PCDHA4: variants seen among roughly 807,000 people sequenced by gnomAD.
PCDHA4 encodes protocadherin alpha-4.
A neutral mutation model predicts 61.4 loss-of-function variants in PCDHA4; 49 were observed. The ratio of observed to expected loss-of-function variants is 0.80; its 90% CI spans 0.63 to 1.01. The LOEUF (loss-of-function observed/expected upper bound fraction) is 1.01, where lower values mean the gene tolerates loss of function less well. Ranked by LOEUF, PCDHA4 falls within the 50% of genes least tolerant of loss-of-function variation. PCDHA4 has a pLI of 0.00. For missense variants in PCDHA4, 1,254 were observed against 1,235.8 expected (o/e 1.01, Z -0.22); for synonymous variants, 590 against 550.3 (o/e 1.07, Z -1.01).
intron 1 of PCDHA4, chr5:140,851,727 T>C (rs1216544821): frequency 1.0e-6 from 1 of 969,522 alleles, no homozygotes; most frequent in Non-Finnish European, 1.2e-6. Flanking sequence ...AACTTCGAGT[T>C]CTTTTGAAAT....
intron 1 of PCDHA4, among the ~76,000 whole-genome samples, chr5:140,900,291 T>C (rs1397328670): frequency 6.6e-6 from 1 of 151,992 alleles, no homozygotes; most frequent in East Asian, 2.0e-4. Flanking sequence ...TTCTTTTCTG[T>C]TTTTTTAGAC....
chr5:140,828,869 A>T, intron 1 of PCDHA4: 1 of 1,614,256 alleles, frequency 6.2e-7, no homozygotes, highest in Non-Finnish European at 8.5e-7. Flanking sequence ...CAACGGAACA[A>T]CAGTTATCAG....
chr5:140,848,221 A>T, intron 1 of PCDHA4: 1 of 378,712 alleles, frequency 2.6e-6, no homozygotes, highest in Non-Finnish European at 4.7e-6. Context: ...AGAAAAAATT[A>T]AGAAAATGAA....
rs911070094 is a variant in PCDHA4, at chr5:141,009,570, G to A, written c.2534-57G>A. On this transcript the variant is annotated intron_variant, in intron 3 of 3. Coordinates refer to ENST00000530339, the MANE Select transcript of PCDHA4 (RefSeq NM_018907.4). ...AGTACTCCTGTACTCTACCAGCAGT[G>A]TGGCATCAAGAGCATGTGTTGACCC... The A allele has an allele frequency of 1.9e-6, 3 of 1,577,968 alleles. No homozygotes were observed. In the Admixed American group the frequency reaches 5.2e-5, roughly 28 times the overall value.
At chr5:140,839,172 A>T (rs1216545013) in intron 1 of PCDHA4, among the ~76,000 whole-genome samples, 5 of 150,756 alleles carry the variant, frequency 3.3e-5, no homozygotes, top group African/African-American at 7.4e-5. Context: ...AAAGATATTC[A>T]GTTTTGTGGA....
intron 1 of PCDHA4, chr5:140,827,862 T>A: frequency 1.7e-6 from 1 of 602,860 alleles, no homozygotes; most frequent in Non-Finnish European, 2.9e-6. Context: ...AAATATATGG[T>A]ATAGCACTGT....
Position 140,862,369 on chromosome 5 carries a change from C to A in PCDHA4, c.2385+52797C>A, listed in dbSNP as rs1265761765. On this transcript the variant is annotated intron_variant, in intron 1 of 3. Coordinates refer to ENST00000530339, the MANE Select transcript of PCDHA4 (RefSeq NM_018907.4). ...GTGCCAAGGGACAGACGACCCGCAC[C>A]CTGACTCCTCACGTCTCTTCAAGCT... The A allele has an allele frequency of 1.8e-5, 6 of 341,324 alleles. No individual in the cohort carries two copies. In the Admixed American group the frequency reaches 2.3e-4, roughly 13 times the overall value. The allele number at this position is 341,324 out of a possible 1,614,324, so 21.1% of individuals were successfully genotyped here. A position where few individuals can be genotyped will look rare whatever the true frequency, so the allele number is the denominator to read the frequency against.
At position 140,807,822 on chromosome 5, in the gene PCDHA4, T is replaced by C. The variant is rs781816070; in HGVS notation, c.635T>C (p.Leu212Pro). Residue 212 changes from leucine to proline, a missense_variant, in exon 1 of 4, where the codon CTC becomes CCC. By Grantham distance (98) the Leu-to-Pro change is moderately conservative. Transcript: ENST00000530339. ...GAAGCTCCGGAGATTTTTTTAGTGC[T>C]CACAGCCACTGATGGAGGCAAACCC... is the stretch of plus-strand genomic sequence containing the variant. The part of the protein sequence containing the change: ...REEAPEIFLV[L>P]TATDGGKPEL... The C allele has an allele frequency of 7.4e-6, 12 of 1,614,038 alleles. No individual in the cohort carries two copies. The East Asian group carries it at 2.7e-4, about 36-fold the overall frequency.
intron 1 of PCDHA4, among the ~76,000 whole-genome samples, chr5:140,923,186 C>T (rs559668347): frequency 2.0e-5 from 3 of 152,206 alleles, no homozygotes; most frequent in African/African-American, 7.2e-5. Context: ...GATGCATCTA[C>T]TGCAGCAATT....
intron 1 of PCDHA4, among the ~76,000 whole-genome samples, chr5:140,905,438 C>T (rs182288757): frequency 1.5e-4 from 23 of 152,228 alleles, no homozygotes; most frequent in Non-Finnish European, 2.4e-4. Flanking sequence ...TAACTACAGC[C>T]TTTTAGTATA....
chr5:140,845,092 C>T lies in PCDHA4; in HGVS notation c.2385+35520C>T, dbSNP rs145327720. Among the ~76,000 whole-genome samples, 352 of 149,676 alleles carry T rather than the reference C, an allele frequency of 2.4e-3. 12 individuals are homozygous for T. Among genetic ancestry groups the T allele is most frequent in the African/African-American group, 8.0e-3 (326 of 40,968 alleles). On this transcript the variant is annotated intron_variant, in intron 1 of 3. Transcript: ENST00000530339. Reference sequence around the variant, plus strand: ...CAGCATTGTTTTGTAGTTTATTTTACAGTTCTCTTAATGCCTGTCCATGTT... The same window carrying T: ...CAGCATTGTTTTGTAGTTTATTTTATAGTTCTCTTAATGCCTGTCCATGTT...
At chr5:140,994,657 A>G (rs2097643468) in intron 3 of PCDHA4, among the ~76,000 whole-genome samples, 1 of 152,166 alleles carries the variant, frequency 6.6e-6, no homozygotes, top group Non-Finnish European at 1.5e-5. Flanking sequence ...GTGAGCTGAG[A>G]TCACACTACT....
chr5:140,902,996 A>G (rs2069931370), intron 1 of PCDHA4, among the ~76,000 whole-genome samples: 1 of 152,126 alleles, frequency 6.6e-6, no homozygotes, highest in Admixed American at 6.6e-5. Context: ...TATTTTTGCA[A>G]TTGTGAATTG....
At chr5:140,875,568 C>G in intron 1 of PCDHA4, 2 of 1,614,114 alleles carry the variant, frequency 1.2e-6, no homozygotes, top group Non-Finnish European at 1.7e-6. Context: ...GCCAGCTCCA[C>G]TACTCCGTCT....
At chr5:140,852,398 C>T (rs150537989) in intron 1 of PCDHA4, 9,331 of 183,690 alleles carry the variant, frequency 0.051, 796 homozygotes, top group Middle Eastern at 0.071. Context: ...CTGCCTCAGC[C>T]TCCTGAGTAG....
rs975637071 is a variant in PCDHA4 at position 141,011,970 on chromosome 5, C to A, written c.*2033C>A. On this transcript the variant is annotated 3_prime_UTR_variant, in exon 4 of 4. Transcript: ENST00000530339. ...AGCATTAAATTTAAAAAAAAACTGTCTTGTCTACTTTTAGCTTCATTCTCC... is the reference window on the plus strand; with the variant it reads ...AGCATTAAATTTAAAAAAAAACTGTATTGTCTACTTTTAGCTTCATTCTCC... 6.5e-6 allele frequency: 1 copy of A among 153,576 alleles called. No individual in the cohort carries two copies. The highest frequency in any genetic ancestry group is 6.6e-5 in the Admixed American group (1 of 15,252). The allele number at this position is 153,576 out of a possible 1,614,324, so 9.5% of individuals were successfully genotyped here. A position where few individuals can be genotyped will look rare whatever the true frequency, so the allele number is the denominator to read the frequency against.
In PCDHA4 at chr5:140,850,519, C is replaced by T. The variant is rs2150487298; in HGVS notation, c.2385+40947C>T. On this transcript the variant is annotated intron_variant, in intron 1 of 3. Coordinates refer to ENST00000530339, the MANE Select transcript of PCDHA4 (RefSeq NM_018907.4). ...GTGTCGCTGGTGGAGAGCGGCCAGG[C>T]GCCAAAGTCATCGTCGCGGGCGTCA... 675 of 1,598,240 alleles carry T rather than the reference C, an allele frequency of 4.2e-4. 26 individuals carry two copies. In the South Asian group the frequency reaches 6.8e-3, roughly 16 times the overall value.
chr5:140,841,666 G>A, intron 1 of PCDHA4: 1 of 1,613,974 alleles, frequency 6.2e-7, no homozygotes, highest in Non-Finnish European at 8.5e-7. Flanking sequence ...GGCCGCTGCA[G>A]GTTTTCCATG....
At chr5:140,843,511 C>CG in intron 1 of PCDHA4, 2 of 1,595,670 alleles carry the variant, frequency 1.3e-6, no homozygotes, top group Non-Finnish European at 1.7e-6. Flanking sequence ...CCACTGAGGG[C>CG]GGGTGCCGGG....
Sources: gnomAD v4.1 joint callset for allele counts (sites outside exome capture counted in the v4.1 genomes callset) on GRCh38, gnomAD v4.1.1 for gene constraint, MANE v1.5 for transcripts, NCBI Gene and HGNC (gene_info 2026-07-23, HGNC 2026-07-21) for gene names.